The following SIK2 variants were observed in gnomAD, a reference collection of about 807,000 sequenced individuals.
SIK2 encodes salt inducible kinase 2.
A neutral mutation model predicts 103.2 loss-of-function variants in SIK2; 29 were observed. The ratio of observed to expected loss-of-function variants is 0.28; its 90% CI spans 0.21 to 0.38. SIK2 has a LOEUF of 0.38. SIK2 is among the 10% of genes least tolerant of loss of function. The probability of loss-of-function intolerance (pLI) is 1.00; values close to 1 mark genes in which losing one functional copy is unlikely to be tolerated. For synonymous variants in SIK2, 412 were observed against 446.1 expected, an observed-to-expected ratio of 0.92 and a Z score of 0.96; for missense variants, 879 against 1,171.0, an observed-to-expected ratio of 0.75 and a Z score of 3.64.
chr11:111,615,665 C>T (rs1007600677), intron 1 of SIK2, among the ~76,000 whole-genome samples: 2 of 152,162 alleles, frequency 1.3e-5, no homozygotes, highest in African/African-American at 4.8e-5. Context: ...ATTCCTTTTA[C>T]AAAGTTAAAT....
intron 3 of SIK2, among the ~76,000 whole-genome samples, chr11:111,678,218 A>T (rs1942731336): frequency 6.6e-6 from 1 of 152,104 alleles, no homozygotes; most frequent in Non-Finnish European, 1.5e-5. Context: ...CAGTGGCCTC[A>T]CCCAGATACT....
rs114166531 is a variant in SIK2 at position 111,639,249 on chromosome 11, G to C, written c.316+18847G>C. ...CACATATTTCTTAGTATCTAGCAAAGACTTAATAGCAGATTTCTGAGCCTT... is the reference window on the plus strand; with the variant it reads ...CACATATTTCTTAGTATCTAGCAAACACTTAATAGCAGATTTCTGAGCCTT... On this transcript the variant is annotated intron_variant, in intron 3 of 14. Coordinates refer to ENST00000304987, the MANE Select transcript of SIK2 (RefSeq NM_015191.3). Among the ~76,000 whole-genome samples, 1,046 of 151,100 alleles carry C rather than the reference G, an allele frequency of 6.9e-3. 12 individuals are homozygous for C. The highest frequency in any genetic ancestry group is 0.025 in the African/African-American group (1,003 of 40,678).
In SIK2 at chr11:111,728,550, A is replaced by AAGTACTG. The variant is rs1185180113; in HGVS notation, c.*4422_*4428dup. The AAGTACTG allele has an allele frequency of 6.6e-6, 1 of 152,104 alleles. No homozygotes were observed. The highest frequency in any genetic ancestry group is 2.4e-5 in the African/African-American group (1 of 41,400). 9.4% of individuals were successfully genotyped at this position (152,104 alleles called of 1,614,324 possible). A position where few individuals can be genotyped will look rare whatever the true frequency, so the allele number is the denominator to read the frequency against. Reference sequence around the variant, plus strand: ...GTGACCCACCCACCTTGGCCTCCCAAAGTACTGGGATTACAGGTGTGAGCC... The same window carrying AAGTACTG: ...GTGACCCACCCACCTTGGCCTCCCAAAGTACTGAGTACTGGGATTACAGGTGTGAGCC... On this transcript the variant is annotated 3_prime_UTR_variant, in exon 15 of 15. Coordinates refer to ENST00000304987, the MANE Select transcript of SIK2 (RefSeq NM_015191.3).
In SIK2 at chr11:111,722,588, A is replaced by T; in HGVS notation, c.2056-77A>T. 7.5e-7 allele frequency: 1 copy of T among 1,339,744 alleles called. No individual in the cohort carries two copies. The highest frequency in any genetic ancestry group is 1.1e-6 in the Non-Finnish European group (1 of 949,134). 83.0% of individuals were successfully genotyped at this position (1,339,744 alleles called of 1,614,324 possible). A position where few individuals can be genotyped will look rare whatever the true frequency, so the allele number is the denominator to read the frequency against. Reference sequence around the variant, plus strand: ...TAGAATGCAGTTAGATTCATCCTGCAGGCAGAAGCACATCTGATGACTGCA... The same window carrying T: ...TAGAATGCAGTTAGATTCATCCTGCTGGCAGAAGCACATCTGATGACTGCA... On this transcript the variant is annotated intron_variant, in intron 13 of 14. Transcript: ENST00000304987. This position sits in a 1 kb window ranked among gnomAD's most constrained non-coding sequence, Gnocchi z 4.4.
chr11:111,638,836 T>G (rs1472646824), intron 3 of SIK2, among the ~76,000 whole-genome samples: 1 of 152,218 alleles, frequency 6.6e-6, no homozygotes. Context: ...AGGTAATATT[T>G]TCCTGCTTCT....
chr11:111,687,962 A>C, intron 3 of SIK2, 39 bp from the exon 4 acceptor site: 1 of 1,598,958 alleles, frequency 6.3e-7, no homozygotes, highest in African/African-American at 1.4e-5. Context: ...GAGTTATTTT[A>C]TTTTGGTGAC....
At chr11:111,641,903 G>T (rs926820428) in intron 3 of SIK2, among the ~76,000 whole-genome samples, 1 of 152,144 alleles carries the variant, frequency 6.6e-6, no homozygotes, top group African/African-American at 2.4e-5. Flanking sequence ...TGGAAGAGTC[G>T]CTTACCTTTT....
intron 1 of SIK2, among the ~76,000 whole-genome samples, chr11:111,611,988 TG>T (rs1364995384): frequency 6.6e-6 from 1 of 152,176 alleles, no homozygotes; most frequent in African/African-American, 2.4e-5. Context: ...CTTTTTTTTT[TG>T]TTGGTAAAAT....
chr11:111,649,071 T>A (rs1379907536), intron 3 of SIK2, among the ~76,000 whole-genome samples: 1 of 152,230 alleles, frequency 6.6e-6, no homozygotes, highest in Non-Finnish European at 1.5e-5. Context: ...ACACATATTT[T>A]ATAATTGATA....
chr11:111,672,201 C>G (rs531807824), intron 3 of SIK2: 17 of 399,952 alleles, frequency 4.3e-5, no homozygotes, highest in Non-Finnish European at 7.5e-5. Flanking sequence ...CTGTGATGCC[C>G]CCCCATACCA....
intron 3 of SIK2, among the ~76,000 whole-genome samples, chr11:111,634,834 A>G (rs1329337185): frequency 6.6e-6 from 1 of 152,210 alleles, no homozygotes; most frequent in African/African-American, 2.4e-5. Context: ...ATGATCTGCT[A>G]TGCAGATTTA....
At position 111,705,659 on chromosome 11, in the gene SIK2, C is replaced by G. The variant is rs1265670214; in HGVS notation, c.1101+520C>G. Among the ~76,000 whole-genome samples the G allele has an allele frequency of 6.6e-6, 1 of 152,088 alleles. No individual in the cohort carries two copies. Among genetic ancestry groups the G allele is most frequent in the East Asian group, 1.9e-4 (1 of 5,192 alleles). ...GACACATCTTCACAGATGGGGAGGA[C>G]TTGGTCAGTGGTGAGTTGAAGCATT... On this transcript the variant is annotated intron_variant, in intron 8 of 14. Coordinates refer to ENST00000304987, the MANE Select transcript of SIK2 (RefSeq NM_015191.3). This position sits in a 1 kb window ranked among gnomAD's most constrained non-coding sequence, Gnocchi z 4.3.
At chr11:111,666,936 T>C (rs1212798643) in intron 3 of SIK2, among the ~76,000 whole-genome samples, 2 of 147,892 alleles carry the variant, frequency 1.4e-5, no homozygotes, top group Non-Finnish European at 3.0e-5. Context: ...TTATCTTTTT[T>C]ATTTTATTTT....
chr11:111,666,007 A>G (rs898338710), intron 3 of SIK2, among the ~76,000 whole-genome samples: 4 of 152,168 alleles, frequency 2.6e-5, no homozygotes, highest in African/African-American at 9.7e-5. Context: ...ACGCTTTACA[A>G]TGTGTGTGAC....
intron 3 of SIK2, 123 bp downstream of exon 3, chr11:111,620,525 T>C (rs1941867805): frequency 4.8e-6 from 3 of 620,038 alleles, no homozygotes; most frequent in Admixed American, 3.3e-5. Context: ...AAAAATTAAG[T>C]GTTAGAAAAT....
chr11:111,637,658 C>T (rs568658133), intron 3 of SIK2, among the ~76,000 whole-genome samples: 8 of 152,024 alleles, frequency 5.3e-5, no homozygotes, highest in African/African-American at 1.7e-4. Flanking sequence ...GACAGGGCTT[C>T]ACCATGTTGA....
intron 3 of SIK2, among the ~76,000 whole-genome samples, chr11:111,669,906 C>CT (rs1942601733): frequency 1.3e-5 from 2 of 151,992 alleles, no homozygotes; most frequent in Non-Finnish European, 2.9e-5. Flanking sequence ...TTTTTTAATA[C>CT]TTTTTTAATT....
intron 3 of SIK2, among the ~76,000 whole-genome samples, chr11:111,680,489 G>A (rs567510230): frequency 8.6e-5 from 13 of 151,990 alleles, no homozygotes; most frequent in African/African-American, 2.9e-4. Context: ...ATTACAAACC[G>A]ATGAAATTAC....
chr11:111,655,673 G>C (rs1942382340), intron 3 of SIK2, among the ~76,000 whole-genome samples: 2 of 152,144 alleles, frequency 1.3e-5, no homozygotes, highest in African/African-American at 4.8e-5. Context: ...AGCTACCTAG[G>C]TGGAGGTCTC....
Sources: gnomAD v4.1 joint callset for allele counts (sites outside exome capture counted in the v4.1 genomes callset) on GRCh38, gnomAD v4.1.1 for gene constraint, Gnocchi (gnomAD v3.1) non-coding constraint, MANE v1.5 for transcripts, NCBI Gene and HGNC (gene_info 2026-07-23, HGNC 2026-07-21) for gene names.